Variants in ARHGAP28 observed in about 807,000 individuals in gnomAD.
The protein encoded by ARHGAP28 is Rho GTPase activating protein 28, also known as rho GTPase-activating protein 28.
Under a neutral mutation model 90.7 loss-of-function variants are expected in ARHGAP28, and 56 were observed. The observed-to-expected ratio is 0.62, with a 90% CI of 0.50 to 0.77. ARHGAP28 has a LOEUF of 0.77. ARHGAP28 is among the 30% of genes least tolerant of loss of function. The pLI, the probability that ARHGAP28 is intolerant of heterozygous loss-of-function variation, is 0.00. For synonymous variants in ARHGAP28, 308 were observed against 323.3 expected, an observed-to-expected ratio of 0.95 and a Z score of 0.51; for missense variants, 869 against 900.9, an observed-to-expected ratio of 0.96 and a Z score of 0.45.
chr18:6,890,082 G>T lies in ARHGAP28; in HGVS notation c.1731G>T (p.Trp577Cys). The T allele has an allele frequency of 6.2e-7, 1 of 1,614,144 alleles. No individual in the cohort carries two copies. ...TGCTTAAGTACCAGAAGATTTTGTGGAAGGTGAGTGACATAGTGATGACAG... is the reference window on the plus strand; with the variant it reads ...TGCTTAAGTACCAGAAGATTTTGTGTAAGGTGAGTGACATAGTGATGACAG... ...RLMLKYQKIL[W>C]KVPSFLITQV... The change falls in exon 13 of 18, where the codon TGG becomes TGT. Residue 577 changes from tryptophan to cysteine, a missense_variant. Coordinates refer to ENST00000383472, the MANE Select transcript of ARHGAP28 (RefSeq NM_001366230.1).
chr18:6,892,591 A>C (rs2057274547), intron 14 of ARHGAP28, among the ~76,000 whole-genome samples: 1 of 152,124 alleles, frequency 6.6e-6, no homozygotes, highest in Non-Finnish European at 1.5e-5. Context: ...GGACATTTTG[A>C]GTATTATAAT....
At chr18:6,796,696 T>A (rs934267881) in intron 1 of ARHGAP28, among the ~76,000 whole-genome samples, 1 of 152,194 alleles carries the variant, frequency 6.6e-6, no homozygotes, top group African/African-American at 2.4e-5. Context: ...ATGGGTCTTA[T>A]AAATAATGAG....
At position 6,884,328 on chromosome 18, in the gene ARHGAP28, C is replaced by A. The variant is rs150666849; in HGVS notation, c.1453+2029C>A. 2.0e-5 allele frequency among the ~76,000 whole-genome samples: 3 copies of A among 152,094 alleles called. No homozygotes were observed. The East Asian group carries it at 5.8e-4, about 29-fold the overall frequency. ...GGTGGAGCTTATAGTGAGCCGAGAT[C>A]GTGCCACTGCACTCCAGCCTGGGCG... is the stretch of plus-strand genomic sequence containing the variant. On this transcript the variant is annotated intron_variant, in intron 11 of 17. Coordinates refer to ENST00000383472, the MANE Select transcript of ARHGAP28 (RefSeq NM_001366230.1).
chr18:6,846,126 G>A (rs568332957), intron 3 of ARHGAP28, among the ~76,000 whole-genome samples: 1 of 152,214 alleles, frequency 6.6e-6, no homozygotes, highest in South Asian at 2.1e-4. Flanking sequence ...GCCTCCACCT[G>A]GATTCATGGT....
intron 1 of ARHGAP28, among the ~76,000 whole-genome samples, chr18:6,741,101 A>G (rs1567931634): frequency 6.6e-6 from 1 of 152,200 alleles, no homozygotes; most frequent in East Asian, 1.9e-4. Flanking sequence ...CTTGCACATT[A>G]TCTTAGTGAG....
At chr18:6,841,157 T>TTCTCTC (rs1315145364) in intron 3 of ARHGAP28, among the ~76,000 whole-genome samples, 1 of 70,282 alleles carries the variant, frequency 1.4e-5, no homozygotes, top group South Asian at 5.2e-4. Flanking sequence ...TCTCTCCTCT[T>TTCTCTC]TCTCTCTCTC....
At chr18:6,819,245 A>T (rs2056611129) in intron 1 of ARHGAP28, among the ~76,000 whole-genome samples, 1 of 152,208 alleles carries the variant, frequency 6.6e-6, no homozygotes, top group African/African-American at 2.4e-5. Flanking sequence ...TATGTTTACA[A>T]TGTTTTGTGG....
intron 5 of ARHGAP28, among the ~76,000 whole-genome samples, chr18:6,864,686 T>C (rs2057024852): frequency 6.6e-6 from 1 of 151,996 alleles, no homozygotes; most frequent in South Asian, 2.1e-4. Flanking sequence ...TTTATTATTA[T>C]TTATTTATTT....
At chr18:6,777,794 C>T (rs1447616538) in intron 1 of ARHGAP28, among the ~76,000 whole-genome samples, 1 of 152,104 alleles carries the variant, frequency 6.6e-6, no homozygotes, top group African/African-American at 2.4e-5. Flanking sequence ...AACCCTCAGC[C>T]TGTAAGTGAG....
At chr18:6,735,560 T>G (rs1437276463) in intron 1 of ARHGAP28, among the ~76,000 whole-genome samples, 1 of 151,776 alleles carries the variant, frequency 6.6e-6, no homozygotes, top group Non-Finnish European at 1.5e-5. Flanking sequence ...ATGCTGTTTT[T>G]TTTTTTTTTT....
intron 4 of ARHGAP28, among the ~76,000 whole-genome samples, chr18:6,853,624 C>T (rs2056927934): frequency 6.6e-6 from 1 of 152,094 alleles, no homozygotes; most frequent in African/African-American, 2.4e-5. Context: ...AGGCATGCAC[C>T]ACCATACCCG....
At chr18:6,888,528 G>A (rs1487126206) in intron 12 of ARHGAP28, among the ~76,000 whole-genome samples, 4 of 152,080 alleles carry the variant, frequency 2.6e-5, no homozygotes, top group African/African-American at 4.8e-5. Flanking sequence ...TTGAGGCAAG[G>A]ACAGAGATCA....
At chr18:6,860,980 G>A (rs1312101308) in intron 5 of ARHGAP28, among the ~76,000 whole-genome samples, 1 of 152,226 alleles carries the variant, frequency 6.6e-6, no homozygotes, top group Non-Finnish European at 1.5e-5. Flanking sequence ...ATGCAAATGA[G>A]TGAGAGTGTC....
chr18:6,902,519 A>T (rs892067055), intron 16 of ARHGAP28, among the ~76,000 whole-genome samples: 4 of 152,166 alleles, frequency 2.6e-5, no homozygotes, highest in African/African-American at 9.7e-5. Context: ...GAATATCAGG[A>T]TTATCTTTCT....
chr18:6,893,775 G>A lies in ARHGAP28; in HGVS notation c.1849-1060G>A, dbSNP rs78175572. Among the ~76,000 whole-genome samples the A allele has an allele frequency of 6.3e-3, 953 of 151,430 alleles. 10 individuals carry two copies. Among genetic ancestry groups the A allele is most frequent in the African/African-American group, 0.022 (887 of 41,210 alleles). On this transcript the variant is annotated intron_variant, in intron 14 of 17. Coordinates refer to ENST00000383472, the MANE Select transcript of ARHGAP28 (RefSeq NM_001366230.1). ...TTATTGTAAATAGAACCAAGATATG[G>A]TATTTATAAAGGTTATAAATACCAT...
At chr18:6,732,087 TTA>T (rs1012009017) in intron 1 of ARHGAP28, among the ~76,000 whole-genome samples, 6 of 95,440 alleles carry the variant, frequency 6.3e-5, no homozygotes, top group African/African-American at 1.9e-4. Context: ...ACACCTGAGT[TTA>T]TATGTTTTTA....
At chr18:6,903,322 A>G (rs1208747251) in intron 16 of ARHGAP28, among the ~76,000 whole-genome samples, 2 of 152,250 alleles carry the variant, frequency 1.3e-5, no homozygotes, top group Non-Finnish European at 2.9e-5. Context: ...GTATTTTACC[A>G]TGATAGAAAT....
chr18:6,895,865 A>G (rs1395567074), intron 15 of ARHGAP28, among the ~76,000 whole-genome samples: 1 of 152,234 alleles, frequency 6.6e-6, no homozygotes, highest in African/African-American at 2.4e-5. Flanking sequence ...TCAATAGAAC[A>G]TTGATAGAAT....
In ARHGAP28 at chr18:6,767,133, T is replaced by G. The variant is rs149518935; in HGVS notation, c.122+37190T>G. Among the ~76,000 whole-genome samples, 5 of 152,292 alleles carry G rather than the reference T, an allele frequency of 3.3e-5. No individual in the cohort carries two copies. The East Asian group carries it at 9.6e-4, about 29-fold the overall frequency. On this transcript the variant is annotated intron_variant, in intron 1 of 17. Transcript: ENST00000383472. The stretch of plus-strand genomic sequence containing the variant: ...TCTACTCTTTTAGCTCTTTGTTCAT[T>G]ATTTTTCGTGATGGCTGCAGAGTTT...
Sources: allele counts gnomAD v4.1 joint callset (sites outside exome capture counted in the v4.1 genomes callset), GRCh38; gene constraint gnomAD v4.1.1; transcripts MANE v1.5; gene names NCBI Gene and HGNC (gene_info 2026-07-23, HGNC 2026-07-21).